Variants in CYRIA observed in about 807,000 individuals in gnomAD.
CYRIA encodes CYFIP related Rac1 interactor A.
In CYRIA, 15 loss-of-function variants were observed where a neutral mutation model predicts 43.9. The observed-to-expected ratio is 0.34, with a 90% CI of 0.23 to 0.53. CYRIA has a LOEUF of 0.53. CYRIA is among the 20% of genes least tolerant of loss of function. CYRIA has a pLI of 0.94. For synonymous variants in CYRIA, 117 were observed against 136.0 expected (o/e 0.86, Z 0.97); for missense variants, 236 against 394.2 (o/e 0.60, Z 3.40).
At chr2:16,611,205 A>C (rs917235658) in intron 2 of CYRIA, among the ~76,000 whole-genome samples, 14 of 147,486 alleles carry the variant, frequency 9.5e-5, no homozygotes, top group African/African-American at 3.5e-4. Flanking sequence ...TAAAAATACA[A>C]AAAAAAAAAA....
chr2:16,573,202 C>A (rs182591517), intron 3 of CYRIA, among the ~76,000 whole-genome samples: 1 of 152,202 alleles, frequency 6.6e-6, no homozygotes, highest in Non-Finnish European at 1.5e-5. Flanking sequence ...GGATAAGACA[C>A]AGAATAATAT....
intron 3 of CYRIA, among the ~76,000 whole-genome samples, chr2:16,583,111 T>G (rs1667607046): frequency 6.6e-6 from 1 of 152,264 alleles, no homozygotes; most frequent in Non-Finnish European, 1.5e-5. Context: ...TCATGACTAA[T>G]GATAGTGAAC....
intron 10 of CYRIA, among the ~76,000 whole-genome samples, chr2:16,556,983 G>A (rs1000722554): frequency 2.0e-5 from 3 of 152,094 alleles, no homozygotes; most frequent in Admixed American, 6.5e-5. Flanking sequence ...TCTCTGTTTT[G>A]GGGATGGCCA....
chr2:16,585,115 T>A (rs1667681857), intron 3 of CYRIA, among the ~76,000 whole-genome samples: 1 of 152,124 alleles, frequency 6.6e-6, no homozygotes, highest in South Asian at 2.1e-4. Context: ...TGGACTGAAT[T>A]GAAATCCAGA....
At chr2:16,651,262 C>T (rs1186335429) in intron 1 of CYRIA, among the ~76,000 whole-genome samples, 1 of 152,216 alleles carries the variant, frequency 6.6e-6, no homozygotes, top group Non-Finnish European at 1.5e-5. Flanking sequence ...CAAGCCTCCT[C>T]GTACCTGGAG....
At chr2:16,557,865 G>C (rs550039888) in intron 10 of CYRIA, among the ~76,000 whole-genome samples, 1 of 152,124 alleles carries the variant, frequency 6.6e-6, no homozygotes, top group Non-Finnish European at 1.5e-5. Flanking sequence ...AATATCTTAT[G>C]AGTCTCAGGT....
At chr2:16,601,526 C>A (rs149567319) in intron 2 of CYRIA, among the ~76,000 whole-genome samples, 46 of 152,118 alleles carry the variant, frequency 3.0e-4, no homozygotes, top group Non-Finnish European at 6.3e-4. Flanking sequence ...CCTGCCTGCA[C>A]GCCCTTGCCA....
Position 16,630,632 on chromosome 2 carries a change from G to A in CYRIA, c.-166-6613C>T, listed in dbSNP as rs144136271. Among the ~76,000 whole-genome samples, 634 of 152,226 alleles carry A rather than the reference G, an allele frequency of 4.2e-3. 6 individuals are homozygous for A. Among genetic ancestry groups the A allele is most frequent in the African/African-American group, 0.014 (598 of 41,532 alleles). ...CACATTGCACTGCCTGAACACAACC[G>A]CTGGGGTGGGTTCCTTCTCCTTGAG... is the stretch of plus-strand genomic sequence containing the variant. On this transcript the variant is annotated intron_variant, in intron 1 of 11. Coordinates refer to ENST00000381323, the MANE Select transcript of CYRIA (RefSeq NM_030797.4).
At chr2:16,644,948 G>A (rs1473751828) in intron 1 of CYRIA, among the ~76,000 whole-genome samples, 1 of 152,088 alleles carries the variant, frequency 6.6e-6, no homozygotes, top group Non-Finnish European at 1.5e-5. Flanking sequence ...GACTTATTAA[G>A]GAAACCGATT....
intron 1 of CYRIA, among the ~76,000 whole-genome samples, chr2:16,638,080 A>T (rs1669557599): frequency 1.3e-5 from 2 of 152,194 alleles, no homozygotes; most frequent in South Asian, 4.1e-4. Flanking sequence ...GGAAGGAGCC[A>T]CACACCTGAA....
chr2:16,585,776 T>C (rs902128058), intron 3 of CYRIA, among the ~76,000 whole-genome samples: 36 of 152,184 alleles, frequency 2.4e-4, no homozygotes, highest in African/African-American at 8.4e-4. Context: ...CTGGTAGTAG[T>C]GGGTGGGGGC....
chr2:16,648,257 C>T (rs1470089931), intron 1 of CYRIA, among the ~76,000 whole-genome samples: 1 of 149,314 alleles, frequency 6.7e-6, no homozygotes, highest in Non-Finnish European at 1.5e-5. Flanking sequence ...TGCCTTGGTT[C>T]GGTTGTTTGT....
At chr2:16,629,818 AC>A (rs1669275177) in intron 1 of CYRIA, among the ~76,000 whole-genome samples, 1 of 152,154 alleles carries the variant, frequency 6.6e-6, no homozygotes, top group Non-Finnish European at 1.5e-5. Context: ...CTTACGGGTT[AC>A]CATTCAACAC....
chr2:16,609,668 T>C (rs1668525238), intron 2 of CYRIA, among the ~76,000 whole-genome samples: 1 of 152,252 alleles, frequency 6.6e-6, no homozygotes, highest in East Asian at 1.9e-4. Context: ...ATCATTTATT[T>C]ATGTGCCCTC....
At chr2:16,647,423 T>C (rs138298986) in intron 1 of CYRIA, among the ~76,000 whole-genome samples, 3 of 152,308 alleles carry the variant, frequency 2.0e-5, no homozygotes, top group East Asian at 3.9e-4. Context: ...AGCCACCTGA[T>C]TGATTATACG....
intron 2 of CYRIA, 39 bp from the exon 3 acceptor site, chr2:16,588,168 A>G (rs1431971100): frequency 7.4e-7 from 1 of 1,353,456 alleles, no homozygotes; most frequent in Admixed American, 2.0e-5. Context: ...CATTAGCAAC[A>G]TAAAAAAAAT....
At chr2:16,627,081 G>A (rs1170146007) in intron 1 of CYRIA, among the ~76,000 whole-genome samples, 4 of 152,306 alleles carry the variant, frequency 2.6e-5, no homozygotes, top group East Asian at 1.9e-4. Context: ...CCAGTCTAGC[G>A]ACCTTTCCCC....
At chr2:16,582,340 T>G (rs948121790) in intron 3 of CYRIA, among the ~76,000 whole-genome samples, 2 of 152,168 alleles carry the variant, frequency 1.3e-5, no homozygotes, top group Non-Finnish European at 2.9e-5. Context: ...CAAAAAAAAT[T>G]TACAACTTTG....
At chr2:16,619,602 C>T (rs1668929444) in intron 2 of CYRIA, among the ~76,000 whole-genome samples, 4 of 152,298 alleles carry the variant, frequency 2.6e-5, no homozygotes, top group South Asian at 2.1e-4. Flanking sequence ...CTCCTTTCTA[C>T]TTCTTTTCTT....
Sources: gnomAD v4.1 joint callset for allele counts (sites outside exome capture counted in the v4.1 genomes callset) on GRCh38, gnomAD v4.1.1 for gene constraint, MANE v1.5 for transcripts, NCBI Gene and HGNC (gene_info 2026-07-23, HGNC 2026-07-21) for gene names.